The following ARHGEF4 variants were observed in gnomAD, a reference collection of about 807,000 sequenced individuals.
ARHGEF4 encodes APC-stimulated guanine nucleotide exchange factor 1.
Under a neutral mutation model 162.0 loss-of-function variants are expected in ARHGEF4, and 119 were observed. The ratio of observed to expected loss-of-function variants is 0.73; its 90% confidence interval spans 0.63 to 0.86. The LOEUF is 0.86. Ranked by LOEUF, ARHGEF4 falls within the 40% of genes least tolerant of loss-of-function variation. The pLI is 0.00. For missense variants in ARHGEF4, 2,488 were observed against 2,456.0 expected (o/e 1.01, Z -0.28); for synonymous variants, 1,014 against 979.9 (o/e 1.03, Z -0.65).
At chr2:131,027,411 G>A (rs1689550596) in intron 4 of ARHGEF4, among the ~76,000 whole-genome samples, 1 of 152,186 alleles carries the variant, frequency 6.6e-6, no homozygotes, top group African/African-American at 2.4e-5. Context: ...GGAGGGAGAT[G>A]GGAATGGGAC....
chr2:131,033,426 G>T (rs1690004424), intron 5 of ARHGEF4, among the ~76,000 whole-genome samples: 1 of 152,182 alleles, frequency 6.6e-6, no homozygotes, highest in Non-Finnish European at 1.5e-5. Context: ...TGGCCCAGTG[G>T]CCGAGCAGGC....
At chr2:131,014,972 G>A (rs1470937066) in intron 4 of ARHGEF4, among the ~76,000 whole-genome samples, 1 of 152,184 alleles carries the variant, frequency 6.6e-6, no homozygotes, top group Non-Finnish European at 1.5e-5. Flanking sequence ...CTGGCTGCGG[G>A]TTGCCTGAGG....
At chr2:130,985,103 T>A (rs2105263233) in intron 4 of ARHGEF4, among the ~76,000 whole-genome samples, 1 of 152,266 alleles carries the variant, frequency 6.6e-6, no homozygotes, top group African/African-American at 2.4e-5. Context: ...TCCTGCTATA[T>A]GGGCCCAAAA....
intron 1 of ARHGEF4, among the ~76,000 whole-genome samples, chr2:130,903,130 T>TTC (rs397809184): frequency 5.9e-5 from 9 of 151,874 alleles, no homozygotes; most frequent in Admixed American, 3.3e-4. Context: ...TTTTTTTTTT[T>TTC]GAGTCTTTCC....
At chr2:131,035,106 G>C (rs1690149392) in intron 5 of ARHGEF4, 3 of 1,110,120 alleles carry the variant, frequency 2.7e-6, no homozygotes, top group African/African-American at 3.3e-5. Context: ...CGAGGGCCCC[G>C]CAGCCCCGGC....
At chr2:130,973,480 CTG>C (rs1685493835) in intron 4 of ARHGEF4, among the ~76,000 whole-genome samples, 1 of 152,146 alleles carries the variant, frequency 6.6e-6, no homozygotes, top group Admixed American at 6.5e-5. Flanking sequence ...CAGAGCAAGA[CTG>C]TGTCTCCAAA....
intron 2 of ARHGEF4, chr2:130,929,663 A>T (rs1682503054): frequency 6.5e-6 from 1 of 154,094 alleles, no homozygotes; most frequent in African/African-American, 2.4e-5. Flanking sequence ...TTAAGAGGCA[A>T]AACCCAAGAT....
chr2:130,864,266 C>G (rs572084139), intron 1 of ARHGEF4, among the ~76,000 whole-genome samples: 1 of 151,578 alleles, frequency 6.6e-6, no homozygotes, highest in South Asian at 2.1e-4. Context: ...AAAATAATTA[C>G]GCCTAGTCAC....
chr2:130,915,673 C>G lies in ARHGEF4; in HGVS notation c.1727C>G (p.Pro576Arg). 1 of 1,550,432 alleles carries G rather than the reference C, an allele frequency of 6.4e-7. No individual in the cohort carries two copies. The highest frequency in any genetic ancestry group is 8.7e-7 in the Non-Finnish European group (1 of 1,146,958). Residue 576 changes from proline (P) to arginine (R), a missense_variant, in exon 2 of 14, where the codon CCC (proline) becomes CGC (arginine). By Grantham distance (103) the Pro-to-Arg change is moderately radical (BLOSUM62 -2). Around this residue, in one of 6 missense-constraint regions of ARHGEF4, gnomAD observed 1,642 missense variants for 1,481.5 expected, o/e 1.11. Coordinates refer to ENST00000409359, the MANE Select transcript of ARHGEF4 (RefSeq NM_001367493.1). Reference sequence around the variant, plus strand: ...GCCGAAGAAGCCATGGTTCTAGACCCCAACTACAGGGAACAGGCTTTGCAA... The same window carrying G: ...GCCGAAGAAGCCATGGTTCTAGACCGCAACTACAGGGAACAGGCTTTGCAA... ...KAAEEAMVLD[P>R]NYREQALQGL...
At chr2:131,041,095 C>T (rs1690780063) in intron 8 of ARHGEF4, 135 bp from the exon 9 acceptor site, 1 of 740,222 alleles carries the variant, frequency 1.4e-6, no homozygotes, top group Non-Finnish European at 2.2e-6. Flanking sequence ...AATAGGTACA[C>T]ACAGCCTGGG....
intron 4 of ARHGEF4, among the ~76,000 whole-genome samples, chr2:130,947,924 T>G (rs192222586): frequency 6.6e-6 from 1 of 152,150 alleles, no homozygotes; most frequent in Non-Finnish European, 1.5e-5. Context: ...AAATCTGGTG[T>G]TGAAGAAAGA....
intron 5 of ARHGEF4, among the ~76,000 whole-genome samples, chr2:131,033,029 C>A (rs1221087802): frequency 6.6e-6 from 1 of 151,776 alleles, no homozygotes; most frequent in Non-Finnish European, 1.5e-5. Context: ...ATATGTGTAT[C>A]TTTTGTAGAG....
At chr2:130,954,042 C>T (rs1051189982) in intron 4 of ARHGEF4, among the ~76,000 whole-genome samples, 4 of 152,246 alleles carry the variant, frequency 2.6e-5, no homozygotes, top group Non-Finnish European at 5.9e-5. Context: ...ACCCAGCCAT[C>T]CCATTACTGG....
rs555989983 is a variant in ARHGEF4 at position 130,897,387 on chromosome 2, C to T, written c.40-16599C>T. ...GCAACTGTGGCAGGCCCTGTGCTTC[C>T]GCGGAGCTGAGAGGATTCGTAGGTG... On this transcript the variant is annotated intron_variant, in intron 1 of 13. Coordinates refer to ENST00000409359, the MANE Select transcript of ARHGEF4 (RefSeq NM_001367493.1). Among the ~76,000 whole-genome samples, 4 of 152,264 alleles carry T rather than the reference C, an allele frequency of 2.6e-5. No individual in the cohort carries two copies. The South Asian group carries it at 6.2e-4, about 24-fold the overall frequency.
rs186474943 is a variant in ARHGEF4, at chr2:130,977,370, G to A, written c.3985+30735G>A. ...GTGTAGAGTATGGTGCCTATATTGT[G>A]TTGCGTATGTTGTGTGTGTTGTGTG... On this transcript the variant is annotated intron_variant, in intron 4 of 13. Coordinates refer to ENST00000409359, the MANE Select transcript of ARHGEF4 (RefSeq NM_001367493.1). Among the ~76,000 whole-genome samples the A allele has an allele frequency of 6.6e-3, 996 of 151,820 alleles. 10 individuals are homozygous for A. The highest frequency in any genetic ancestry group is 0.023 in the African/African-American group (960 of 41,360).
intron 4 of ARHGEF4, among the ~76,000 whole-genome samples, chr2:131,022,376 C>T (rs1689186873): frequency 6.6e-6 from 1 of 152,064 alleles, no homozygotes; most frequent in East Asian, 1.9e-4. Flanking sequence ...CTTCTTGAGT[C>T]AGTTTTGGTA....
At chr2:130,954,965 T>TG (rs1256926846) in intron 4 of ARHGEF4, among the ~76,000 whole-genome samples, 2 of 152,016 alleles carry the variant, frequency 1.3e-5, no homozygotes, top group Admixed American at 6.6e-5. Flanking sequence ...CTTTGTTCAT[T>TG]TTTTTTTCAT....
At chr2:131,039,448 G>A in intron 6 of ARHGEF4, 6 of 1,025,924 alleles carry the variant, frequency 5.8e-6, no homozygotes, top group Non-Finnish European at 7.0e-6. Flanking sequence ...AGATAGCAGA[G>A]AGGGGACCTG....
intron 4 of ARHGEF4, among the ~76,000 whole-genome samples, chr2:131,003,340 A>G (rs992290062): frequency 6.6e-6 from 1 of 152,242 alleles, no homozygotes; most frequent in Non-Finnish European, 1.5e-5. Flanking sequence ...AATGATCTAC[A>G]TGAATGCTCC....
Sources: allele counts gnomAD v4.1 joint callset (sites outside exome capture counted in the v4.1 genomes callset), GRCh38; gene constraint gnomAD v4.1.1; regional missense constraint gnomAD v4.1.1; transcripts MANE v1.5; gene names NCBI Gene and HGNC (gene_info 2026-07-23, HGNC 2026-07-21).